Variants in VRK2 observed in about 807,000 individuals in gnomAD.
VRK2 encodes serine/threonine-protein kinase VRK2.
Under a neutral mutation model 57.6 loss-of-function variants are expected in VRK2, and 60 were observed. That is an observed-to-expected ratio of 1.04 (90% CI 0.85 to 1.29). VRK2 has a LOEUF of 1.29. Among genes scored for constraint, VRK2 ranks in the 50% most tolerant of loss-of-function variants. The pLI is 0.00. For missense variants in VRK2, 705 were observed against 588.1 expected, an observed-to-expected ratio of 1.20 and a Z score of -2.06; for synonymous variants, 231 against 199.2, an observed-to-expected ratio of 1.16 and a Z score of -1.35.
intron 1 of VRK2, among the ~76,000 whole-genome samples, chr2:57,919,848 T>C (rs1218271959): frequency 2.0e-5 from 3 of 152,088 alleles, no homozygotes; most frequent in Non-Finnish European, 2.9e-5. Flanking sequence ...TCTTCTTTGG[T>C]AACAGAGATC....
chr2:57,966,070 G>A (rs980393778), intron 1 of VRK2, among the ~76,000 whole-genome samples: 2 of 152,188 alleles, frequency 1.3e-5, no homozygotes, highest in African/African-American at 4.8e-5. Context: ...ATGGCAAGGA[G>A]TGAACCTGCT....
chr2:57,935,931 G>T (rs1014105751), intron 1 of VRK2, among the ~76,000 whole-genome samples: 6 of 152,168 alleles, frequency 3.9e-5, no homozygotes, highest in Admixed American at 3.3e-4. Context: ...GCTCCAAGGT[G>T]TGCTGGGACT....
chr2:57,930,141 G>C (rs1489255780), intron 1 of VRK2, among the ~76,000 whole-genome samples: 1 of 152,174 alleles, frequency 6.6e-6, no homozygotes, highest in Non-Finnish European at 1.5e-5. Flanking sequence ...ACTTGCCGAA[G>C]AATTGCAGAC....
Position 57,968,119 on chromosome 2 carries a change from T to C in VRK2, c.-438-57546T>C, listed in dbSNP as rs557338910. 8.0e-4 allele frequency among the ~76,000 whole-genome samples: 122 copies of C among 152,046 alleles called. 1 individual carries two copies. The highest frequency in any genetic ancestry group is 2.7e-3 in the African/African-American group (114 of 41,516). ...TGCCCCAAAATAAAACTGCGGTAGC[T>C]AAATCTCAGAAGCACCAGAAAAGCC... On this transcript the variant is annotated intron_variant, in intron 1 of 15. Transcript: ENST00000417641.
rs147468375 is a variant in VRK2, at chr2:57,913,598, T to C, written c.-439+5759T>C. Among the ~76,000 whole-genome samples the C allele has an allele frequency of 2.0e-3, 299 of 152,292 alleles. 2 individuals carry two copies. Among genetic ancestry groups the C allele is most frequent in the African/African-American group, 6.6e-3 (275 of 41,572 alleles). On this transcript the variant is annotated intron_variant, in intron 1 of 15. Transcript: ENST00000417641. ...TTAAATTTTGCTCTTATATGTGATA[T>C]TATATTGCACCCAAATATTTCTAAA...
intron 1 of VRK2, among the ~76,000 whole-genome samples, chr2:58,023,321 T>C (rs1673821436): frequency 6.6e-6 from 1 of 152,220 alleles, no homozygotes; most frequent in African/African-American, 2.4e-5. Context: ...CTTCCAAGAC[T>C]GAGTGATATT....
At chr2:58,115,241 G>A (rs1357579770) in intron 7 of VRK2, among the ~76,000 whole-genome samples, 2 of 152,028 alleles carry the variant, frequency 1.3e-5, no homozygotes, top group African/African-American at 2.4e-5. Context: ...GTGAATATCA[G>A]GTGGATCAGA....
intron 8 of VRK2, among the ~76,000 whole-genome samples, chr2:58,125,386 A>G (rs192078970): frequency 7.2e-5 from 11 of 152,048 alleles, no homozygotes; most frequent in African/African-American, 2.6e-4. Context: ...TTTTTAGTCT[A>G]CTTATATTTT....
At chr2:57,922,454 TTGTGTGTGTGTGTGTG>T (rs59731064) in intron 1 of VRK2, among the ~76,000 whole-genome samples, 1 of 146,956 alleles carries the variant, frequency 6.8e-6, no homozygotes, top group African/African-American at 2.5e-5. Context: ...AGTTACCTTC[TTGTGTGTGTGTGTGTG>T]TGTGTGTGTG....
chr2:58,072,376 A>G (rs1447920007), intron 2 of VRK2, among the ~76,000 whole-genome samples: 1 of 151,976 alleles, frequency 6.6e-6, no homozygotes, highest in Non-Finnish European at 1.5e-5. Flanking sequence ...CTAGTTTCTC[A>G]GCAGTAAGTT....
At chr2:57,941,612 A>C (rs988029143) in intron 1 of VRK2, among the ~76,000 whole-genome samples, 3 of 152,184 alleles carry the variant, frequency 2.0e-5, no homozygotes, top group African/African-American at 7.2e-5. Flanking sequence ...TAGGCTCTTG[A>C]TGCCTGATTC....
At chr2:58,103,908 G>T (rs891669572) in intron 7 of VRK2, among the ~76,000 whole-genome samples, 2 of 151,636 alleles carry the variant, frequency 1.3e-5, no homozygotes, top group African/African-American at 4.8e-5. Flanking sequence ...GATCAAATAG[G>T]TTTCATTCCA....
chr2:58,132,447 T>TA (rs1200006486), intron 9 of VRK2, among the ~76,000 whole-genome samples: 1 of 152,216 alleles, frequency 6.6e-6, no homozygotes, highest in South Asian at 2.1e-4. Flanking sequence ...TGTAGCCACA[T>TA]AAACATTTTT....
chr2:57,938,644 T>G (rs1478177849), intron 1 of VRK2, among the ~76,000 whole-genome samples: 2 of 152,086 alleles, frequency 1.3e-5, no homozygotes, highest in Admixed American at 6.6e-5. Flanking sequence ...ATACTTCTTT[T>G]AGGTTACTCC....
intron 12 of VRK2, among the ~76,000 whole-genome samples, chr2:58,153,815 C>T (rs1477508740): frequency 6.6e-6 from 1 of 152,016 alleles, no homozygotes; most frequent in Non-Finnish European, 1.5e-5. Context: ...GCAGAATTCT[C>T]TAGTGAAACC....
chr2:57,963,998 G>T (rs914841920), intron 1 of VRK2, among the ~76,000 whole-genome samples: 1 of 152,014 alleles, frequency 6.6e-6, no homozygotes. Context: ...GTTTTTACTT[G>T]GCTTCATTTT....
Position 57,914,909 on chromosome 2 carries a change from A to G in VRK2, c.-439+7070A>G, listed in dbSNP as rs17049249. Among the ~76,000 whole-genome samples the G allele has an allele frequency of 7.1e-3, 1,081 of 152,186 alleles. 13 individuals carry two copies. The highest frequency in any genetic ancestry group is 0.024 in the African/African-American group (989 of 41,558). On this transcript the variant is annotated intron_variant, in intron 1 of 15. Coordinates refer to the VRK2 transcript ENST00000417641. ...CATAACAACATTTAAATACATTACT[A>G]CTCAAACAATTTGATTGGATTATAA...
intron 11 of VRK2, among the ~76,000 whole-genome samples, 168 bp from the exon 12 acceptor site, chr2:58,146,148 T>A (rs1682087790): frequency 1.3e-5 from 2 of 152,072 alleles, no homozygotes; most frequent in South Asian, 4.1e-4. Context: ...GGTCTGGATC[T>A]TGCCAACGAC....
rs76050327 is a variant in VRK2 at position 58,003,622 on chromosome 2, C to T, written c.-438-22043C>T. Among the ~76,000 whole-genome samples the T allele has an allele frequency of 7.4e-3, 1,131 of 152,114 alleles. 12 individuals are homozygous for T. Among genetic ancestry groups the T allele is most frequent in the African/African-American group, 0.026 (1,061 of 41,522 alleles). ...TAGTTTGACTATAAAATTAGTTTATCTGAAATTTAACTGGATGTCCTCTAC... is the reference window on the plus strand; with the variant it reads ...TAGTTTGACTATAAAATTAGTTTATTTGAAATTTAACTGGATGTCCTCTAC... On this transcript the variant is annotated intron_variant, in intron 1 of 15. Coordinates refer to the VRK2 transcript ENST00000417641.
Sources: allele counts gnomAD v4.1 joint callset (sites outside exome capture counted in the v4.1 genomes callset), GRCh38; gene constraint gnomAD v4.1.1; transcripts MANE v1.5; gene names NCBI Gene and HGNC (gene_info 2026-07-23, HGNC 2026-07-21).